The following GALNT13 variants were observed in gnomAD, a reference collection of about 807,000 sequenced individuals.
GALNT13 encodes UDP-GalNAc:polypeptide N-acetylgalactosaminyltransferase 13.
GALNT13 carries 28 observed loss-of-function variants against 64.2 expected under a neutral mutation model. That is an observed-to-expected ratio of 0.44 (90% CI 0.32 to 0.60). The LOEUF (loss-of-function observed/expected upper bound fraction) is 0.60, where lower values mean the gene tolerates loss of function less well. Ranked by LOEUF, GALNT13 falls within the 20% of genes least tolerant of loss-of-function variation. The probability of loss-of-function intolerance (pLI) is 0.05; values close to 1 mark genes in which losing one functional copy is unlikely to be tolerated. For missense variants in GALNT13, 577 were observed against 669.8 expected (o/e 0.86, Z 1.53); for synonymous variants, 214 against 224.6 (o/e 0.95, Z 0.42).
the GALNT13 span, among the ~76,000 whole-genome samples, chr2:153,140,953 T>C: frequency 2.6e-5 from 4 of 152,096 alleles, no homozygotes; most frequent in African/African-American, 9.6e-5. Context: ...ATCATCCCCA[T>C]GATCTGATTT....
intron 9 of GALNT13, among the ~76,000 whole-genome samples, chr2:154,354,857 C>A (rs980446019): frequency 1.3e-5 from 2 of 152,020 alleles, no homozygotes; most frequent in African/African-American, 4.8e-5. Context: ...GCAGTTCTCT[C>A]TACTGCTTCT....
intron 9 of GALNT13, among the ~76,000 whole-genome samples, chr2:154,303,972 G>A (rs2105104140): frequency 6.6e-6 from 1 of 152,148 alleles, no homozygotes; most frequent in East Asian, 1.9e-4. Flanking sequence ...TGGCCAGGCT[G>A]GTCTCGAACT....
At chr2:153,496,786 G>C in the GALNT13 span, among the ~76,000 whole-genome samples, 151 of 151,928 alleles carry the variant, frequency 9.9e-4, no homozygotes, top group Non-Finnish European at 1.9e-3. Flanking sequence ...AGTGGTTCAA[G>C]ACCAGCCTGG....
chr2:154,143,310 G>GCCAGGTTTC (rs1683371859), intron 4 of GALNT13, among the ~76,000 whole-genome samples: 1 of 152,068 alleles, frequency 6.6e-6, no homozygotes, highest in South Asian at 2.1e-4. Flanking sequence ...CTGCTGTGTG[G>GCCAGGTTTC]CTGGGTTCCT....
the GALNT13 span, among the ~76,000 whole-genome samples, chr2:153,535,924 G>T: frequency 6.6e-6 from 1 of 152,022 alleles, no homozygotes; most frequent in Non-Finnish European, 1.5e-5. Flanking sequence ...TGACTGCAGT[G>T]GCCTTCTCAG....
chr2:154,447,263 A>C (rs1248043876), intron 12 of GALNT13, among the ~76,000 whole-genome samples: 1 of 151,988 alleles, frequency 6.6e-6, no homozygotes, highest in African/African-American at 2.4e-5. Context: ...TTTTAATTAA[A>C]ACACTAAGCA....
At chr2:154,291,098 G>C (rs1375580634) in intron 8 of GALNT13, among the ~76,000 whole-genome samples, 1 of 152,144 alleles carries the variant, frequency 6.6e-6, no homozygotes, top group African/African-American at 2.4e-5. Context: ...AAAGGGACCT[G>C]AGTAGGTTGC....
the GALNT13 span, among the ~76,000 whole-genome samples, chr2:153,509,698 T>A: frequency 1.3e-5 from 2 of 152,194 alleles, no homozygotes; most frequent in South Asian, 4.1e-4. Context: ...GAGCCAGGCG[T>A]AGTGAATAAT....
the GALNT13 span, among the ~76,000 whole-genome samples, chr2:153,664,922 C>CA: frequency 6.6e-6 from 1 of 152,184 alleles, no homozygotes; most frequent in South Asian, 2.1e-4. Flanking sequence ...AAATGGTAAA[C>CA]AAAATGAAAT....
the GALNT13 span, among the ~76,000 whole-genome samples, chr2:153,132,921 C>T: frequency 6.6e-6 from 1 of 152,028 alleles, no homozygotes; most frequent in Non-Finnish European, 1.5e-5. Context: ...CAGGATTTCG[C>T]CATGTTACCC....
In GALNT13 at chr2:154,352,250, G is replaced by C. The variant is rs1430174564; in HGVS notation, c.1157-43741G>C. On this transcript the variant is annotated intron_variant, in intron 9 of 12. Coordinates refer to ENST00000392825, the MANE Select transcript of GALNT13 (RefSeq NM_052917.4). The stretch of plus-strand genomic sequence containing the variant: ...GCCTCATCTGTGCACTAATAATAAA[G>C]CTGAACCATGGACATGCCACTGCAG... 3.3e-5 allele frequency among the ~76,000 whole-genome samples: 5 copies of C among 152,112 alleles called. No individual in the cohort carries two copies. The East Asian group carries it at 9.6e-4, about 29-fold the overall frequency.
intron 3 of GALNT13, among the ~76,000 whole-genome samples, chr2:154,138,895 TCATA>T (rs1346796788): frequency 1.3e-5 from 2 of 152,122 alleles, no homozygotes; most frequent in Non-Finnish European, 1.5e-5. Flanking sequence ...ATACACCTTC[TCATA>T]AAATTTCTGC....
chr2:154,043,414 T>TTATATATATA (rs1179722579), intron 3 of GALNT13, among the ~76,000 whole-genome samples: 35 of 78,200 alleles, frequency 4.5e-4, no homozygotes, highest in East Asian at 1.4e-3. Flanking sequence ...ATAAGGACTT[T>TTATATATATA]TATATATATA....
intron 4 of GALNT13, among the ~76,000 whole-genome samples, chr2:154,206,061 G>A (rs1203685678): frequency 1.3e-5 from 2 of 151,646 alleles, no homozygotes; most frequent in Admixed American, 6.6e-5. Context: ...GCAGTGGTGC[G>A]ATCTCGGCTC....
chr2:153,069,886 C>T, the GALNT13 span, among the ~76,000 whole-genome samples: 1 of 152,118 alleles, frequency 6.6e-6, no homozygotes, highest in African/African-American at 2.4e-5. Context: ...AGATGATGTG[C>T]ATTAACTGTG....
chr2:153,245,563 A>C, the GALNT13 span, among the ~76,000 whole-genome samples: 1 of 152,200 alleles, frequency 6.6e-6, no homozygotes, highest in African/African-American at 2.4e-5. Context: ...TGTTCGAAAA[A>C]AACTAACAAA....
intron 1 of GALNT13, among the ~76,000 whole-genome samples, chr2:153,895,553 A>G (rs1036863022): frequency 6.6e-6 from 1 of 152,152 alleles, no homozygotes; most frequent in African/African-American, 2.4e-5. Flanking sequence ...AACTGAAATG[A>G]AGGCATGACC....
Position 154,110,314 on chromosome 2 carries a change from T to G in GALNT13, c.143-30023T>G, listed in dbSNP as rs1229406346. On this transcript the variant is annotated intron_variant, in intron 3 of 12. Transcript: ENST00000392825. Reference sequence around the variant, plus strand: ...ATATATATATATATATATATATATATATATATATATATATATATATATAGA... The same window carrying G: ...ATATATATATATATATATATATATAGATATATATATATATATATATATAGA... 1.3e-3 allele frequency among the ~76,000 whole-genome samples: 59 copies of G among 44,990 alleles called. 3 individuals are homozygous for G. The highest frequency in any genetic ancestry group is 5.5e-3 in the African/African-American group (52 of 9,412). 29.5% of individuals were successfully genotyped at this position (44,990 alleles called of 152,430 possible).
chr2:154,425,316 A>G (rs1700424091), intron 11 of GALNT13, among the ~76,000 whole-genome samples: 1 of 152,180 alleles, frequency 6.6e-6, no homozygotes, highest in African/African-American at 2.4e-5. Flanking sequence ...TTTTTCAGCT[A>G]TTGAAACAAA....
Sources: gnomAD v4.1 joint callset for allele counts (sites outside exome capture counted in the v4.1 genomes callset) on GRCh38, gnomAD v4.1.1 for gene constraint, MANE v1.5 for transcripts, NCBI Gene and HGNC (gene_info 2026-07-23, HGNC 2026-07-21) for gene names.